Variants in CERS6 observed in about 807,000 individuals in gnomAD.
The protein encoded by CERS6 is ceramide synthase 6.
In CERS6, 26 loss-of-function variants were observed where a neutral mutation model predicts 56.8. That is an observed-to-expected ratio of 0.46 (90% CI 0.34 to 0.63). The LOEUF is 0.63. CERS6 is among the 30% of genes least tolerant of loss of function. CERS6 has a pLI of 0.01. For missense variants in CERS6, 415 were observed against 467.5 expected (o/e 0.89, Z 1.04); for synonymous variants, 164 against 173.3 (o/e 0.95, Z 0.42).
chr2:168,573,482 ATTATTT>A (rs1696028130), intron 3 of CERS6, among the ~76,000 whole-genome samples: 2 of 152,140 alleles, frequency 1.3e-5, no homozygotes, highest in Admixed American at 6.6e-5. Flanking sequence ...TACAATTTAT[ATTATTT>A]TTATTTTTCA....
At chr2:168,766,600 CCT>C (rs1559086196) in intron 9 of CERS6, among the ~76,000 whole-genome samples, 1 of 152,176 alleles carries the variant, frequency 6.6e-6, no homozygotes, top group African/African-American at 2.4e-5. Context: ...TTCACTACCC[CCT>C]CTCTGACAGG....
Position 168,769,947 on chromosome 2 carries a change from C to T in CERS6, c.*285C>T, listed in dbSNP as rs1684822619. On this transcript the variant is annotated 3_prime_UTR_variant, in exon 10 of 10. Transcript: ENST00000305747. ...TTTTTTGTATTTGTAAATCTGTGGACAAAAGAGGGTTTCCTCACTCCTTTT... is the reference window on the plus strand; with the variant it reads ...TTTTTTGTATTTGTAAATCTGTGGATAAAAGAGGGTTTCCTCACTCCTTTT... The T allele has an allele frequency of 3.1e-6, 1 of 325,896 alleles. No individual in the cohort carries two copies. The highest frequency in any genetic ancestry group is 5.8e-5 in the Admixed American group (1 of 17,354). 20.2% of individuals were successfully genotyped at this position (325,896 alleles called of 1,614,324 possible).
intron 4 of CERS6, among the ~76,000 whole-genome samples, chr2:168,672,178 A>T (rs1574148025): frequency 6.6e-6 from 1 of 152,362 alleles, no homozygotes; most frequent in Non-Finnish European, 1.5e-5. Context: ...GATTGAAGTT[A>T]TGAAGTCATT....
chr2:168,739,052 A>ATTTTTTTTTTTTTTTTTT (rs59967315), intron 8 of CERS6, among the ~76,000 whole-genome samples: 3 of 87,624 alleles, frequency 3.4e-5, no homozygotes, highest in African/African-American at 4.9e-5. Flanking sequence ...CACCCGGCTA[A>ATTTTTTTTTTTTTTTTTT]TTTTTTTTTT....
At chr2:168,628,377 T>C (rs918277404) in intron 3 of CERS6, among the ~76,000 whole-genome samples, 1 of 152,230 alleles carries the variant, frequency 6.6e-6, no homozygotes, top group African/African-American at 2.4e-5. Context: ...AGCAGGTTGA[T>C]GTCTATAGAC....
chr2:168,479,897 G>A (rs986683403), intron 1 of CERS6, among the ~76,000 whole-genome samples: 1 of 152,082 alleles, frequency 6.6e-6, no homozygotes, highest in Admixed American at 6.6e-5. Flanking sequence ...CATGAGCCAC[G>A]AATCCCGGCC....
intron 8 of CERS6, among the ~76,000 whole-genome samples, chr2:168,740,744 G>A (rs921322451): frequency 6.6e-6 from 1 of 152,172 alleles, no homozygotes; most frequent in African/African-American, 2.4e-5. Flanking sequence ...TAGATTATCT[G>A]GATGACCACC....
intron 5 of CERS6, 135 bp from the exon 6 acceptor site, chr2:168,694,817 TCTACAAA>T (rs1686600866): frequency 6.4e-6 from 4 of 628,512 alleles, no homozygotes; most frequent in Non-Finnish European, 1.1e-5. Context: ...AGCCCCATCA[TCTACAAA>T]AAGAATAGGA....
intron 5 of CERS6, among the ~76,000 whole-genome samples, chr2:168,691,550 G>A (rs1347469549): frequency 1.3e-5 from 2 of 152,156 alleles, no homozygotes; most frequent in African/African-American, 4.8e-5. Context: ...ATTTCCTTGA[G>A]TGCAGAAAAA....
chr2:168,573,586 T>C (rs1437747463), intron 3 of CERS6, among the ~76,000 whole-genome samples: 2 of 152,210 alleles, frequency 1.3e-5, no homozygotes, highest in Admixed American at 6.5e-5. Context: ...TTGGCACATA[T>C]ACCATTAAGC....
At chr2:168,619,300 C>T (rs942304453) in intron 3 of CERS6, among the ~76,000 whole-genome samples, 2 of 152,088 alleles carry the variant, frequency 1.3e-5, no homozygotes, top group African/African-American at 2.4e-5. Flanking sequence ...TTGGCTTAAG[C>T]AAGTTTTTCA....
At chr2:168,635,989 C>A (rs759028060) in intron 4 of CERS6, among the ~76,000 whole-genome samples, 1 of 151,988 alleles carries the variant, frequency 6.6e-6, no homozygotes, top group Non-Finnish European at 1.5e-5. Flanking sequence ...ATTTGTCTAG[C>A]CATTAGAATA....
intron 1 of CERS6, among the ~76,000 whole-genome samples, chr2:168,528,479 A>G (rs1314326328): frequency 6.6e-6 from 1 of 152,092 alleles, no homozygotes; most frequent in Admixed American, 6.6e-5. Context: ...CAATTTAACT[A>G]TTTCTTATTT....
intron 3 of CERS6, among the ~76,000 whole-genome samples, chr2:168,588,092 T>TC (rs1683587090): frequency 6.6e-6 from 1 of 151,090 alleles, no homozygotes; most frequent in Non-Finnish European, 1.5e-5. Context: ...TTTTTTTTTT[T>TC]TTTTTGGTAG....
chr2:168,617,231 G>T lies in CERS6; in HGVS notation c.408-13754G>T, dbSNP rs1012019416. ...TCAAAACCTCTGGGATACAGCAAAG[G>T]TGGTGCTAAGAGGAAGGTTCATAGC... On this transcript the variant is annotated intron_variant, in intron 3 of 9. Coordinates refer to ENST00000305747, the MANE Select transcript of CERS6 (RefSeq NM_203463.3). Among the ~76,000 whole-genome samples the T allele has an allele frequency of 1.3e-3, 203 of 152,202 alleles. 4 individuals are homozygous for T. Among genetic ancestry groups the T allele is most frequent in the African/African-American group, 4.8e-3 (199 of 41,520 alleles).
chr2:168,701,730 G>C (rs1686808473), intron 6 of CERS6, among the ~76,000 whole-genome samples: 1 of 152,122 alleles, frequency 6.6e-6, no homozygotes, highest in African/African-American at 2.4e-5. Flanking sequence ...TATTTGGCCA[G>C]TTGCGGTACT....
chr2:168,747,403 A>G (rs1684140233), intron 8 of CERS6, among the ~76,000 whole-genome samples: 1 of 152,130 alleles, frequency 6.6e-6, no homozygotes. Context: ...ACCACTATAG[A>G]TATGGATTTT....
chr2:168,769,443 C>A, intron 9 of CERS6, 67 bp from the exon 10 acceptor site: 1 of 1,396,586 alleles, frequency 7.2e-7, no homozygotes, highest in Non-Finnish European at 9.6e-7. Flanking sequence ...ACTGCATGTG[C>A]TTCTAGCATG....
Position 168,547,664 on chromosome 2 carries a change from A to G in CERS6, c.239A>G (p.Asn80Ser), listed in dbSNP as rs143510081. ...AATGGACCACAAATTGCTCCGCCCAATGCCATTCTGGAAAAGGTCTTCACT... is the reference window on the plus strand; with the variant it reads ...AATGGACCACAAATTGCTCCGCCCAGTGCCATTCTGGAAAAGGTCTTCACT... ...QANGPQIAPPNAILEKVFTAI... is the reference protein window; with the variant it reads ...QANGPQIAPPSAILEKVFTAI... The change falls in exon 2 of 10, where the codon AAT becomes AGT. Residue 80 changes from asparagine (N) to serine (S), a missense_variant. Asn to Ser is a conservative substitution (Grantham distance 46). Transcript: ENST00000305747. 3.6e-5 allele frequency: 58 copies of G among 1,613,654 alleles called. No homozygotes were observed. Among genetic ancestry groups the G allele is most frequent in the East Asian group, 1.6e-4 (7 of 44,900 alleles).
Sources: allele counts gnomAD v4.1 joint callset (sites outside exome capture counted in the v4.1 genomes callset), GRCh38; gene constraint gnomAD v4.1.1; transcripts MANE v1.5; gene names NCBI Gene and HGNC (gene_info 2026-07-23, HGNC 2026-07-21).